The following PELI2 variants were observed in gnomAD, a reference collection of about 807,000 sequenced individuals.
PELI2 encodes the protein E3 ubiquitin-protein ligase pellino homolog 2.
In PELI2, 23 loss-of-function variants were observed where a neutral mutation model predicts 42.3. The observed-to-expected ratio is 0.54, with a 90% confidence interval of 0.39 to 0.77. The LOEUF is 0.77. PELI2 is among the 30% of genes least tolerant of loss of function. The pLI is 0.00. For synonymous variants in PELI2, 245 were observed against 212.2 expected (o/e 1.15, Z -1.34); for missense variants, 463 against 553.2 (o/e 0.84, Z 1.64).
intron 1 of PELI2, among the ~76,000 whole-genome samples, chr14:56,138,643 A>C (rs1358538895): frequency 6.6e-6 from 1 of 152,218 alleles, no homozygotes; most frequent in South Asian, 2.1e-4. Flanking sequence ...TGACGTGTGA[A>C]TAATAATGGA....
chr14:56,242,567 A>G lies in PELI2; in HGVS notation c.208-37109A>G, dbSNP rs147611643. 2.8e-4 allele frequency among the ~76,000 whole-genome samples: 42 copies of G among 152,358 alleles called. No individual in the cohort carries two copies. In the East Asian group the frequency reaches 7.1e-3, roughly 26 times the overall value. On this transcript the variant is annotated intron_variant, in intron 2 of 5. Transcript: ENST00000267460. Reference sequence around the variant, plus strand: ...CTTGCACATGCATGTTTAGAGCGGCACAACTTGCAATTGCAAAAATGTGGA... The same window carrying G: ...CTTGCACATGCATGTTTAGAGCGGCGCAACTTGCAATTGCAAAAATGTGGA...
rs1673213207 is a variant in PELI2 at position 56,219,552 on chromosome 14, T to A, written c.207+41088T>A. 1.1e-4 allele frequency among the ~76,000 whole-genome samples: 17 copies of A among 152,148 alleles called. No homozygotes were observed. The highest frequency in any genetic ancestry group is 1.1e-3 in the Admixed American group (17 of 15,282). On this transcript the variant is annotated intron_variant, in intron 2 of 5. Coordinates refer to ENST00000267460, the MANE Select transcript of PELI2 (RefSeq NM_021255.3). This position sits in a 1 kb window ranked among gnomAD's most constrained non-coding sequence, Gnocchi z 4.1. ...CCCTCAATCTTACAAACAGTAGGCATCCACAAGGAAGTCAAAGAAAGGGTC... is the reference window on the plus strand; with the variant it reads ...CCCTCAATCTTACAAACAGTAGGCAACCACAAGGAAGTCAAAGAAAGGGTC...
intron 2 of PELI2, among the ~76,000 whole-genome samples, chr14:56,207,387 C>CAGA (rs936276771): frequency 3.9e-5 from 6 of 151,916 alleles, no homozygotes; most frequent in Non-Finnish European, 8.8e-5. Context: ...TACTATGTAC[C>CAGA]AGATACTATG....
intron 2 of PELI2, among the ~76,000 whole-genome samples, chr14:56,260,096 A>T (rs1888659819): frequency 6.6e-6 from 1 of 152,090 alleles, no homozygotes; most frequent in Admixed American, 6.6e-5. Context: ...AAAATTCCAG[A>T]TTGCCTGTTT....
chr14:56,203,557 G>C (rs1431483850), intron 2 of PELI2, among the ~76,000 whole-genome samples: 2 of 152,234 alleles, frequency 1.3e-5, no homozygotes, highest in East Asian at 1.9e-4. Flanking sequence ...TAATTTCTCA[G>C]AGTTGGACAG....
At chr14:56,267,036 G>T (rs539894256) in intron 2 of PELI2, among the ~76,000 whole-genome samples, 75 of 152,124 alleles carry the variant, frequency 4.9e-4, no homozygotes, top group South Asian at 8.3e-4. Flanking sequence ...TCTCTGGAAG[G>T]ATATATAAGA....
chr14:56,131,808 C>T (rs1020195308), intron 1 of PELI2, among the ~76,000 whole-genome samples: 8 of 152,076 alleles, frequency 5.3e-5, no homozygotes, highest in South Asian at 2.1e-4. Context: ...AAATCTTGTC[C>T]GGGATAATAA....
intron 2 of PELI2, among the ~76,000 whole-genome samples, chr14:56,274,543 A>C (rs1889222904): frequency 6.6e-6 from 1 of 152,192 alleles, no homozygotes; most frequent in Admixed American, 6.5e-5. Flanking sequence ...ATTTTATATA[A>C]GTGCCTTTAC....
intron 2 of PELI2, among the ~76,000 whole-genome samples, chr14:56,264,155 C>T (rs192339246): frequency 3.2e-4 from 48 of 152,220 alleles, no homozygotes; most frequent in African/African-American, 1.1e-3. Flanking sequence ...TCCAACTAGG[C>T]GAAGCTCTGC....
chr14:56,260,963 G>GGAGGT (rs941575046), intron 2 of PELI2, among the ~76,000 whole-genome samples: 7 of 152,114 alleles, frequency 4.6e-5, no homozygotes, highest in African/African-American at 1.7e-4. Flanking sequence ...AGGAATCACT[G>GGAGGT]GAGGTGAGGT....
At chr14:56,142,062 A>C (rs1009178290) in intron 1 of PELI2, among the ~76,000 whole-genome samples, 1 of 152,146 alleles carries the variant, frequency 6.6e-6, no homozygotes, top group Non-Finnish European at 1.5e-5. Context: ...GAGTCTGCCT[A>C]TCCCCCTTGG....
intron 1 of PELI2, among the ~76,000 whole-genome samples, chr14:56,135,970 T>G (rs554308180): frequency 1.1e-4 from 17 of 152,322 alleles, no homozygotes; most frequent in Non-Finnish European, 2.1e-4. Flanking sequence ...TGCATCTTTC[T>G]TTGATGGATG....
chr14:56,210,185 GA>G (rs201976805), intron 2 of PELI2, among the ~76,000 whole-genome samples: 16 of 147,972 alleles, frequency 1.1e-4, no homozygotes, highest in Admixed American at 4.7e-4. Context: ...TTGGAAAAAT[GA>G]AAAAAAAAAT....
chr14:56,279,616 C>A, intron 2 of PELI2, 60 bp from the exon 3 acceptor site: 2 of 958,822 alleles, frequency 2.1e-6, no homozygotes, highest in South Asian at 1.4e-5. Context: ...TAACTACAGG[C>A]AGAATTGATA....
chr14:56,224,427 A>G (rs1566648077), intron 2 of PELI2, among the ~76,000 whole-genome samples: 1 of 152,172 alleles, frequency 6.6e-6, no homozygotes, highest in Non-Finnish European at 1.5e-5. Context: ...GTCCATTGTG[A>G]TTTGCCCTCT....
Position 56,205,835 on chromosome 14 carries a change from A to G in PELI2, c.207+27371A>G, listed in dbSNP as rs935302052. Among the ~76,000 whole-genome samples the G allele has an allele frequency of 2.6e-5, 4 of 152,260 alleles. No individual in the cohort carries two copies. In the East Asian group the frequency reaches 7.7e-4, roughly 29 times the overall value. On this transcript the variant is annotated intron_variant, in intron 2 of 5. Coordinates refer to ENST00000267460, the MANE Select transcript of PELI2 (RefSeq NM_021255.3). The stretch of plus-strand genomic sequence containing the variant: ...GCACTGGGTGCTGGATGTTGGAGAT[A>G]GGAAGTAATTGGGAGAAGGAGGGGA...
intron 2 of PELI2, among the ~76,000 whole-genome samples, chr14:56,231,100 A>G (rs959648748): frequency 3.9e-5 from 6 of 152,354 alleles, no homozygotes; most frequent in Middle Eastern, 3.4e-3. Context: ...ACCCAGATTC[A>G]TAAAGCAAGT....
At chr14:56,274,198 A>AG (rs1889209433) in intron 2 of PELI2, among the ~76,000 whole-genome samples, 1 of 95,444 alleles carries the variant, frequency 1.0e-5, no homozygotes. Flanking sequence ...GCCAGCAGGG[A>AG]AAAGGACATT....
At chr14:56,192,843 G>A (rs146197995) in intron 2 of PELI2, among the ~76,000 whole-genome samples, 121 of 152,292 alleles carry the variant, frequency 7.9e-4, no homozygotes, top group African/African-American at 2.8e-3. Flanking sequence ...GTTTTTATTT[G>A]TAAGAACATT....
Sources: allele counts gnomAD v4.1 joint callset (sites outside exome capture counted in the v4.1 genomes callset), GRCh38; gene constraint gnomAD v4.1.1; non-coding constraint Gnocchi (gnomAD v3.1); transcripts MANE v1.5; gene names NCBI Gene and HGNC (gene_info 2026-07-23, HGNC 2026-07-21).